CLCA1: variants seen among roughly 807,000 people sequenced by gnomAD.
CLCA1 encodes chloride channel accessory 1.
Under a neutral mutation model 85.6 loss-of-function variants are expected in CLCA1, and 59 were observed. The ratio of observed to expected loss-of-function variants is 0.69; its 90% confidence interval spans 0.56 to 0.86. The LOEUF is 0.86. Among genes scored for constraint, CLCA1 ranks in the 40% least tolerant of loss-of-function variants. The pLI is 0.00. For synonymous variants in CLCA1, 396 were observed against 398.3 expected (o/e 0.99, Z 0.07); for missense variants, 1,022 against 1,101.4 (o/e 0.93, Z 1.02).
At position 86,482,892 on chromosome 1, in the gene CLCA1, T is replaced by A. The variant is rs371164923; in HGVS notation, c.735+510T>A. On this transcript the variant is annotated intron_variant, in intron 5 of 13. Coordinates refer to ENST00000394711, the MANE Select transcript of CLCA1 (RefSeq NM_001285.4). Reference sequence around the variant, plus strand: ...TTAAATAGTTTTAAAATTCTTAATTTTTTTAATGAATAACTGGTCATAAAA... The same window carrying A: ...TTAAATAGTTTTAAAATTCTTAATTATTTTAATGAATAACTGGTCATAAAA... Among the ~76,000 whole-genome samples the A allele has an allele frequency of 7.9e-5, 12 of 152,338 alleles. 1 individual carries two copies. In the East Asian group the frequency reaches 9.6e-4, roughly 12 times the overall value.
At chr1:86,471,159 G>T (rs975078351) in intron 1 of CLCA1, among the ~76,000 whole-genome samples, 5 of 148,184 alleles carry the variant, frequency 3.4e-5, no homozygotes, top group Non-Finnish European at 7.6e-5. Flanking sequence ...ACGTCAGAAG[G>T]TACACAGTAG....
chr1:86,485,266 C>A, intron 5 of CLCA1, 77 bp from the exon 6 acceptor site: 2 of 1,114,814 alleles, frequency 1.8e-6, no homozygotes, highest in Non-Finnish European at 2.6e-6. Flanking sequence ...ATTAGCAGAG[C>A]AGACAGGTCT....
rs200175831 is a variant in CLCA1, at chr1:86,494,191, G to A, written c.1685G>A (p.Gly562Asp). The stretch of plus-strand genomic sequence containing the variant: ...GTTTACATGTGTTTTGGTCAGGTTG[G>A]CACTTGGAAATACAGTCTGCAAGCA... Reference protein sequence around the residue: ...YLQIPGIAKVGTWKYSLQASS... With the variant: ...YLQIPGIAKVDTWKYSLQASS... Residue 562 changes from glycine (G) to aspartate (D), a missense_variant, in exon 11 of 14, where the codon GGC (glycine) becomes GAC (aspartate). Physicochemically the swap from Gly to Asp is moderately conservative, Grantham distance 94. Transcript: ENST00000394711. The A allele has an allele frequency of 3.5e-5, 56 of 1,613,986 alleles. 1 individual carries two copies. The highest frequency in any genetic ancestry group is 4.4e-5 in the Non-Finnish European group (52 of 1,179,954).
rs570799447 is a variant in CLCA1 at position 86,498,092 on chromosome 1, A to C, written c.2114-480A>C. On this transcript the variant is annotated intron_variant, in intron 12 of 13. Coordinates refer to ENST00000394711, the MANE Select transcript of CLCA1 (RefSeq NM_001285.4). ...CAGGAGGCAGAGGTTGTAGTGAGCC[A>C]AGATTGCGCCACACCAGCCTGGATG... Among the ~76,000 whole-genome samples the C allele has an allele frequency of 3.6e-4, 55 of 152,004 alleles. 1 individual carries two copies. The South Asian group carries it at 8.7e-3, about 24-fold the overall frequency.
intron 9 of CLCA1, 52 bp downstream of exon 9, chr1:86,491,423 G>A: frequency 7.9e-7 from 1 of 1,260,758 alleles, no homozygotes; most frequent in Non-Finnish European, 1.1e-6. Context: ...TCATAGCCAA[G>A]ATGGAGAATT....
chr1:86,476,815 T>C (rs1647648453), intron 4 of CLCA1, among the ~76,000 whole-genome samples: 1 of 152,214 alleles, frequency 6.6e-6, no homozygotes, highest in Admixed American at 6.5e-5. Context: ...ATAAAAAATC[T>C]ACAGTTGCTG....
chr1:86,486,390 C>T, intron 6 of CLCA1, 136 bp from the exon 7 acceptor site: 1 of 698,280 alleles, frequency 1.4e-6, no homozygotes. Flanking sequence ...AATTTTTCCC[C>T]ATAGGATATG....
chr1:86,498,754 G>A lies in CLCA1; in HGVS notation c.2296G>A (p.Gly766Ser), dbSNP rs1343608373. 1.2e-6 allele frequency: 2 copies of A among 1,614,098 alleles called. No individual in the cohort carries two copies. The highest frequency in any genetic ancestry group is 1.7e-6 in the Non-Finnish European group (2 of 1,180,024). The change falls in exon 13 of 14, where the codon GGC becomes AGC. Residue 766 changes from glycine to serine, a missense_variant. By Grantham distance (56) the Gly-to-Ser change is moderately conservative (BLOSUM62 0). Transcript: ENST00000394711. ...CGACCTGAAGGCGGAAATTCACGGG[G>A]GCAGTCTCATTAATCTGACTTGGAC... ...ITDLKAEIHG[G>S]SLINLTWTAP...
intron 5 of CLCA1, among the ~76,000 whole-genome samples, 157 bp downstream of exon 5, chr1:86,482,539 C>T (rs1647847673): frequency 6.6e-6 from 1 of 152,148 alleles, no homozygotes; most frequent in Admixed American, 6.5e-5. Flanking sequence ...AGGATAAAGT[C>T]CTGTCTTCCT....
At position 86,495,608 on chromosome 1, in the gene CLCA1, C is replaced by G. The variant is rs41286590; in HGVS notation, c.2046C>G (p.Asn682Lys). The change falls in exon 12 of 14, where the codon AAC (asparagine) becomes AAG (lysine). Residue 682 changes from asparagine (N) to lysine (K), a missense_variant. Coordinates refer to ENST00000394711, the MANE Select transcript of CLCA1 (RefSeq NM_001285.4). ...AAGTGCGGGCTCTGGGAGGAGTTAA[C>G]GCAGCCAGACGGAGAGTGATACCCC... ...SVKVRALGGV[N>K]AARRRVIPQQ... is the part of the protein sequence containing the mutation. 26,510 of 1,613,944 alleles carry G rather than the reference C, an allele frequency of 0.016. 253 individuals carry two copies. The highest frequency in any genetic ancestry group is 0.019 in the Non-Finnish European group (22,397 of 1,179,894).
chr1:86,481,385 C>T (rs5744352), intron 4 of CLCA1, among the ~76,000 whole-genome samples: 4,863 of 152,040 alleles, frequency 0.032, 113 homozygotes, highest in Non-Finnish European at 0.048. Flanking sequence ...GCAATCCACC[C>T]GCCTCAGCCT....
intron 5 of CLCA1, among the ~76,000 whole-genome samples, chr1:86,483,111 A>G (rs1250001897): frequency 1.3e-5 from 2 of 152,172 alleles, no homozygotes; most frequent in African/African-American, 2.4e-5. Context: ...GGAATGGAGC[A>G]TAAGTTTTTA....
At chr1:86,470,673 T>G (rs1418410863) in intron 1 of CLCA1, among the ~76,000 whole-genome samples, 1 of 152,210 alleles carries the variant, frequency 6.6e-6, no homozygotes, top group Non-Finnish European at 1.5e-5. Context: ...TAAGTTGGCT[T>G]CCATCATTTC....
chr1:86,491,161 A>T (rs1179115586), intron 8 of CLCA1, 104 bp from the exon 9 acceptor site: 1 of 693,388 alleles, frequency 1.4e-6, no homozygotes, highest in African/African-American at 1.8e-5. Flanking sequence ...ATACTTTAAT[A>T]ACACAAAGGG....
chr1:86,472,036 T>C (rs559233341), intron 1 of CLCA1, among the ~76,000 whole-genome samples: 2 of 151,602 alleles, frequency 1.3e-5, no homozygotes, highest in East Asian at 3.9e-4. Flanking sequence ...GTTTTTTTTT[T>C]CATTAGCATA....
At chr1:86,470,053 T>TA (rs1647459601) in intron 1 of CLCA1, among the ~76,000 whole-genome samples, 1 of 152,204 alleles carries the variant, frequency 6.6e-6, no homozygotes, top group African/African-American at 2.4e-5. Context: ...TAGTGCCTGG[T>TA]ACATAGTAAG....
At chr1:86,474,690 T>C (rs577892247) in intron 3 of CLCA1, among the ~76,000 whole-genome samples, 1 of 152,116 alleles carries the variant, frequency 6.6e-6, no homozygotes, top group Non-Finnish European at 1.5e-5. Context: ...ACAGAATACC[T>C]TTGCAATTCA....
chr1:86,476,409 T>G lies in CLCA1; in HGVS notation c.452-39T>G, dbSNP rs1419250123. 3 of 1,034,434 alleles carry G rather than the reference T, an allele frequency of 2.9e-6. No homozygotes were observed. The African/African-American group carries it at 4.7e-5, about 16-fold the overall frequency. The allele number at this position is 1,034,434 out of a possible 1,614,324, so 64.1% of individuals were successfully genotyped here. On this transcript the variant is annotated intron_variant, in intron 3 of 13. Coordinates refer to ENST00000394711, the MANE Select transcript of CLCA1 (RefSeq NM_001285.4). ...CCAGTGTGAGAAGGTAATTTTGCCATTCTTATTGTAATCAGTTTTTTAAAA... is the reference window on the plus strand; with the variant it reads ...CCAGTGTGAGAAGGTAATTTTGCCAGTCTTATTGTAATCAGTTTTTTAAAA...
At chr1:86,477,851 A>G (rs1310148547) in intron 4 of CLCA1, among the ~76,000 whole-genome samples, 2 of 152,200 alleles carry the variant, frequency 1.3e-5, no homozygotes, top group African/African-American at 4.8e-5. Context: ...TAAAAACAAC[A>G]CCATCTTTTT....
Sources: gnomAD v4.1 joint callset for allele counts (sites outside exome capture counted in the v4.1 genomes callset) on GRCh38, gnomAD v4.1.1 for gene constraint, MANE v1.5 for transcripts, NCBI Gene and HGNC (gene_info 2026-07-23, HGNC 2026-07-21) for gene names.